Variants in DPH6 observed in about 807,000 individuals in gnomAD.
DPH6 encodes diphthine--ammonia ligase.
Under a neutral mutation model 38.2 loss-of-function variants are expected in DPH6, and 33 were observed. The ratio of observed to expected loss-of-function variants is 0.86; its 90% CI spans 0.65 to 1.15. The LOEUF (loss-of-function observed/expected upper bound fraction) is 1.15. DPH6 is among the 50% of genes most tolerant of loss of function. DPH6 has a pLI of 0.00. For missense variants in DPH6, 325 were observed against 320.0 expected, an observed-to-expected ratio of 1.02 and a Z score of -0.12; for synonymous variants, 108 against 103.0, an observed-to-expected ratio of 1.05 and a Z score of -0.30.
At chr15:35,271,004 C>T (rs1185284303) in intron 3 of DPH6, among the ~76,000 whole-genome samples, 1 of 152,180 alleles carries the variant, frequency 6.6e-6, no homozygotes, top group East Asian at 1.9e-4. Flanking sequence ...CATCTACCTA[C>T]AAACTGCATG....
intron 6 of DPH6, chr15:35,401,501 GTGACAGCTA>G (rs1186690855): frequency 1.3e-6 from 1 of 770,608 alleles, no homozygotes; most frequent in Non-Finnish European, 2.4e-6. Flanking sequence ...TATGGCAGGA[GTGACAGCTA>G]TGACAGCTAT....
intron 3 of DPH6, among the ~76,000 whole-genome samples, chr15:35,460,999 C>CAATAAAT (rs1359113970): frequency 6.6e-6 from 1 of 151,140 alleles, no homozygotes; most frequent in Non-Finnish European, 1.5e-5. Flanking sequence ...CAGAAAGAGC[C>CAATAAAT]AATAAATATA....
intron 3 of DPH6, among the ~76,000 whole-genome samples, chr15:35,313,389 T>C (rs916769013): frequency 6.6e-6 from 1 of 152,044 alleles, no homozygotes; most frequent in African/African-American, 2.4e-5. Context: ...ATCCTTGGTA[T>C]TTGGATAGGG....
In DPH6 at chr15:35,372,215, A is replaced by AT. The variant is rs2052722314; in HGVS notation, c.751-13_751-12insA. 3 of 1,378,806 alleles carry AT rather than the reference A, an allele frequency of 2.2e-6. No individual in the cohort carries two copies. The highest frequency in any genetic ancestry group is 2.9e-6 in the Non-Finnish European group (3 of 1,031,726). The allele number at this position is 1,378,806 out of a possible 1,614,324, so 85.4% of individuals were successfully genotyped here. A position where few individuals can be genotyped will look rare whatever the true frequency, so the allele number is the denominator to read the frequency against. Reference sequence around the variant, plus strand: ...GGCACTGAGGACACCTAAAAAAAAAAGGGAAGGAAAGGGAAGGAAAATGCA... The same window carrying AT: ...GGCACTGAGGACACCTAAAAAAAAAATGGGAAGGAAAGGGAAGGAAAATGCA... On this transcript the variant is annotated splice_polypyrimidine_tract_variant and intron_variant, in intron 8 of 8. Coordinates refer to ENST00000256538, the MANE Select transcript of DPH6 (RefSeq NM_080650.4).
At chr15:35,473,432 A>G (rs1009708412) in intron 3 of DPH6, among the ~76,000 whole-genome samples, 1 of 151,798 alleles carries the variant, frequency 6.6e-6, no homozygotes, top group Non-Finnish European at 1.5e-5. Flanking sequence ...CAGAAATAAC[A>G]TAACTATGTT....
chr15:35,510,812 A>C (rs1375757440), intron 3 of DPH6, among the ~76,000 whole-genome samples: 2 of 152,230 alleles, frequency 1.3e-5, no homozygotes, highest in Non-Finnish European at 2.9e-5. Context: ...AGAAGATCCC[A>C]AACTCACAAA....
At chr15:35,310,640 G>A (rs2052133179) in intron 3 of DPH6, among the ~76,000 whole-genome samples, 1 of 152,096 alleles carries the variant, frequency 6.6e-6, no homozygotes. Context: ...ATAAATTTCT[G>A]TGTAATAGTA....
chr15:35,435,949 T>A (rs2053694209), intron 5 of DPH6, among the ~76,000 whole-genome samples: 1 of 152,040 alleles, frequency 6.6e-6, no homozygotes, highest in Admixed American at 6.6e-5. Flanking sequence ...CCTTCTTTTT[T>A]TTGGGACCGT....
At chr15:35,507,970 T>C (rs1217544068) in intron 3 of DPH6, among the ~76,000 whole-genome samples, 1 of 152,136 alleles carries the variant, frequency 6.6e-6, no homozygotes, top group African/African-American at 2.4e-5. Context: ...ATTGTCAGTA[T>C]ACACTCCGAT....
At chr15:35,196,081 T>G in the DPH6 span, among the ~76,000 whole-genome samples, 2 of 152,094 alleles carry the variant, frequency 1.3e-5, no homozygotes, top group East Asian at 3.9e-4. Context: ...TTTAGTAAAA[T>G]AGGGTACTCA....
At chr15:35,162,541 T>C in the DPH6 span, among the ~76,000 whole-genome samples, 1 of 151,898 alleles carries the variant, frequency 6.6e-6, no homozygotes, top group African/African-American at 2.4e-5. Flanking sequence ...CCTCACTTCA[T>C]CTAGGTCTGT....
At position 35,506,252 on chromosome 15, in the gene DPH6, G is replaced by C. The variant is rs181980152; in HGVS notation, c.312+32022C>G. On this transcript the variant is annotated intron_variant, in intron 3 of 8. Transcript: ENST00000256538. ...TAAACAAAAGCAAATCTCTAGGAAT[G>C]TTTTTTTAAAAAAAACTCTGGAGCT... Among the ~76,000 whole-genome samples the C allele has an allele frequency of 3.5e-3, 527 of 151,932 alleles. 4 individuals are homozygous for C. Among genetic ancestry groups the C allele is most frequent in the Admixed American group, 9.9e-3 (151 of 15,246 alleles).
chr15:35,483,223 T>C (rs935448202), intron 3 of DPH6, among the ~76,000 whole-genome samples: 2 of 151,946 alleles, frequency 1.3e-5, no homozygotes, highest in Non-Finnish European at 2.9e-5. Context: ...CCCAGCACTT[T>C]GGAGTGCTGA....
intron 3 of DPH6, among the ~76,000 whole-genome samples, chr15:35,503,016 C>T (rs911208485): frequency 2.0e-4 from 30 of 150,466 alleles, no homozygotes; most frequent in African/African-American, 7.3e-4. Context: ...CATAAAGTGA[C>T]TGCATCATTT....
At chr15:35,398,044 T>C (rs2053168828) in intron 6 of DPH6, among the ~76,000 whole-genome samples, 1 of 152,128 alleles carries the variant, frequency 6.6e-6, no homozygotes, top group Non-Finnish European at 1.5e-5. Context: ...TCAGATTAAG[T>C]AGTCTTGCTA....
intron 3 of DPH6, among the ~76,000 whole-genome samples, chr15:35,296,233 C>T (rs2052013923): frequency 1.3e-5 from 2 of 152,180 alleles, no homozygotes; most frequent in African/African-American, 4.8e-5. Flanking sequence ...GCCACCACGC[C>T]TGGCCTTACT....
chr15:35,313,345 T>C (rs1441186551), intron 3 of DPH6, among the ~76,000 whole-genome samples: 1 of 151,804 alleles, frequency 6.6e-6, no homozygotes, highest in Non-Finnish European at 1.5e-5. Flanking sequence ...TATATACATT[T>C]CAGGATTTTT....
chr15:35,504,143 C>T (rs1295577843), intron 3 of DPH6, among the ~76,000 whole-genome samples: 1 of 152,012 alleles, frequency 6.6e-6, no homozygotes, highest in Non-Finnish European at 1.5e-5. Flanking sequence ...ATCCATTTTG[C>T]TTCTTTACTT....
chr15:35,534,468 G>C (rs1318101982), intron 3 of DPH6, among the ~76,000 whole-genome samples: 1 of 151,630 alleles, frequency 6.6e-6, no homozygotes, highest in African/African-American at 2.4e-5. Flanking sequence ...AGGATATAGG[G>C]ATGTTACATC....
Sources: allele counts gnomAD v4.1 joint callset (sites outside exome capture counted in the v4.1 genomes callset), GRCh38; gene constraint gnomAD v4.1.1; transcripts MANE v1.5; gene names NCBI Gene and HGNC (gene_info 2026-07-23, HGNC 2026-07-21).